The following AGBL3 variants were observed in gnomAD, a reference collection of about 807,000 sequenced individuals.
AGBL3 encodes cytosolic carboxypeptidase 3.
AGBL3 carries 68 observed loss-of-function variants against 94.5 expected under a neutral mutation model. The observed-to-expected ratio is 0.72, with a 90% CI of 0.59 to 0.88. The LOEUF (loss-of-function observed/expected upper bound fraction) is 0.88. Ranked by LOEUF, AGBL3 falls within the 40% of genes least tolerant of loss-of-function variation. AGBL3 has a pLI of 0.00. For missense variants in AGBL3, 934 were observed against 1,103.8 expected, an observed-to-expected ratio of 0.85 and a Z score of 2.18; for synonymous variants, 354 against 370.7, an observed-to-expected ratio of 0.95 and a Z score of 0.52.
intron 13 of AGBL3, among the ~76,000 whole-genome samples, chr7:135,078,197 A>G (rs1357368850): frequency 6.6e-6 from 1 of 152,190 alleles, no homozygotes; most frequent in African/African-American, 2.4e-5. Context: ...TGAAGAGCAG[A>G]GCTGAATGTG....
intron 15 of AGBL3, among the ~76,000 whole-genome samples, chr7:135,112,159 G>A (rs4732094): frequency 0.44 from 67,201 of 151,968 alleles, 15,510 homozygotes; most frequent in East Asian, 0.78. Flanking sequence ...TAATGCTACC[G>A]CTAATTCAGA....
intron 4 of AGBL3, among the ~76,000 whole-genome samples, chr7:134,999,343 G>T (rs1811419476): frequency 6.6e-6 from 1 of 152,150 alleles, no homozygotes; most frequent in African/African-American, 2.4e-5. Flanking sequence ...CTTGTCAGTT[G>T]TGTGTGCCAC....
At chr7:135,026,669 T>G (rs1175071332) in intron 5 of AGBL3, among the ~76,000 whole-genome samples, 2 of 151,746 alleles carry the variant, frequency 1.3e-5, no homozygotes, top group African/African-American at 4.8e-5. Context: ...ACCAGTTTTC[T>G]TATGTTTACT....
At chr7:134,997,839 G>C (rs1437352772) in intron 4 of AGBL3, among the ~76,000 whole-genome samples, 6 of 152,152 alleles carry the variant, frequency 3.9e-5, no homozygotes, top group African/African-American at 7.2e-5. Flanking sequence ...GCTACCCACT[G>C]TCCCTTGGCC....
At position 135,134,954 on chromosome 7, in the gene AGBL3, T is replaced by C; in HGVS notation, c.2456T>C (p.Val819Ala). The C allele has an allele frequency of 6.4e-7, 1 of 1,551,138 alleles. No homozygotes were observed. The highest frequency in any genetic ancestry group is 1.7e-4 in the Middle Eastern group (1 of 5,992). The change falls in exon 17 of 17, where the codon GTC becomes GCC. Residue 819 changes from valine (V) to alanine (A), a missense_variant. By Grantham distance (64) the Val-to-Ala change is moderately conservative. Coordinates refer to ENST00000436302, the MANE Select transcript of AGBL3 (RefSeq NM_178563.4). ...GDVMANSSEW[V>A]QSKPHRSLES... The stretch of plus-strand genomic sequence containing the variant: ...GTTATGGCAAACTCTTCAGAATGGG[T>C]CCAGTCTAAGCCCCACAGGTCATTG...
rs146216484 is a variant in AGBL3, at chr7:135,055,523, AT to A, written c.1842-3638del. On this transcript the variant is annotated intron_variant, in intron 11 of 16. Coordinates refer to ENST00000436302, the MANE Select transcript of AGBL3 (RefSeq NM_178563.4). ...TTTATGTCAAAAATATATTGATATA[AT>A]TTTTTTTCTGCTTTAGCCTGTTAAT... Among the ~76,000 whole-genome samples, 5 of 151,832 alleles carry A rather than the reference AT, an allele frequency of 3.3e-5. No homozygotes were observed. In the East Asian group the frequency reaches 9.7e-4, roughly 29 times the overall value.
intron 5 of AGBL3, among the ~76,000 whole-genome samples, chr7:135,029,813 A>C (rs1436874211): frequency 1.3e-5 from 2 of 152,152 alleles, no homozygotes; most frequent in African/African-American, 4.8e-5. Flanking sequence ...TCTCCACTTG[A>C]GCACATGGAG....
At chr7:135,014,218 AAAAAAAAAAC>A (rs1306654639) in intron 4 of AGBL3, among the ~76,000 whole-genome samples, 3 of 151,248 alleles carry the variant, frequency 2.0e-5, no homozygotes, top group African/African-American at 7.3e-5. Context: ...AAAAAAAAAA[AAAAAAAAAAC>A]CCGAAATGTT....
At chr7:135,022,221 T>C (rs1432219181) in intron 5 of AGBL3, among the ~76,000 whole-genome samples, 1 of 152,226 alleles carries the variant, frequency 6.6e-6, no homozygotes, top group African/African-American at 2.4e-5. Context: ...TTTCTGGTTC[T>C]AGATCCTTGA....
In AGBL3 at chr7:135,135,205, G is replaced by A; in HGVS notation, c.2707G>A (p.Ala903Thr). 1 of 1,545,794 alleles carries A rather than the reference G, an allele frequency of 6.5e-7. No homozygotes were observed. The highest frequency in any genetic ancestry group is 8.7e-7 in the Non-Finnish European group (1 of 1,144,980). Reference sequence around the variant, plus strand: ...TCTAACTAAAAATAAGGATGAGCAGGCCAATAAGAATGATGGACAACCCAC... The same window carrying A: ...TCTAACTAAAAATAAGGATGAGCAGACCAATAAGAATGATGGACAACCCAC... ...LHLTKNKDEQ[A>T]NKNDGQPTLY... Residue 903 changes from alanine to threonine, a missense_variant, in exon 17 of 17, where the codon GCC becomes ACC. Physicochemically the swap from Ala to Thr is moderately conservative, Grantham distance 58. Transcript: ENST00000436302.
chr7:135,118,051 T>C (rs1585215997), intron 16 of AGBL3, among the ~76,000 whole-genome samples: 1 of 152,204 alleles, frequency 6.6e-6, no homozygotes, highest in East Asian at 1.9e-4. Context: ...CTTGGATGTT[T>C]TCCATTTTCT....
intron 15 of AGBL3, among the ~76,000 whole-genome samples, chr7:135,083,218 G>A (rs1821066586): frequency 6.6e-6 from 1 of 151,850 alleles, no homozygotes; most frequent in African/African-American, 2.4e-5. Flanking sequence ...TAGTTTTCTA[G>A]TCAGTCTCCC....
chr7:135,129,244 T>G (rs1444955069), intron 16 of AGBL3: 1 of 1,506,120 alleles, frequency 6.6e-7, no homozygotes, highest in East Asian at 2.3e-5. Flanking sequence ...GGCTACATCA[T>G]GGGTATCTGC....
intron 11 of AGBL3, among the ~76,000 whole-genome samples, chr7:135,057,886 A>G (rs1164134341): frequency 6.6e-6 from 1 of 152,220 alleles, no homozygotes; most frequent in Non-Finnish European, 1.5e-5. Flanking sequence ...CACATACTAT[A>G]TGATCCCAGC....
chr7:135,068,539 G>A (rs1211396725), intron 12 of AGBL3, among the ~76,000 whole-genome samples: 3 of 152,048 alleles, frequency 2.0e-5, no homozygotes, highest in South Asian at 2.1e-4. Flanking sequence ...CTGATCTCTC[G>A]GCAGAAACTC....
intron 11 of AGBL3, among the ~76,000 whole-genome samples, chr7:135,056,337 T>C (rs2116663397): frequency 6.6e-6 from 1 of 152,260 alleles, no homozygotes; most frequent in South Asian, 2.1e-4. Context: ...ACTTGGATTG[T>C]TCATTTTAAA....
chr7:135,003,168 T>C (rs1298751320), intron 4 of AGBL3, among the ~76,000 whole-genome samples: 2 of 152,176 alleles, frequency 1.3e-5, no homozygotes, highest in East Asian at 3.8e-4. Context: ...GAATCCATTT[T>C]GATATAAGAA....
intron 16 of AGBL3, among the ~76,000 whole-genome samples, chr7:135,131,749 A>G (rs1423535015): frequency 6.6e-6 from 1 of 152,124 alleles, no homozygotes; most frequent in Admixed American, 6.5e-5. Flanking sequence ...ACAGAAAATC[A>G]GTGAAACAAC....
intron 13 of AGBL3, among the ~76,000 whole-genome samples, chr7:135,078,825 C>G (rs1820684479): frequency 1.3e-5 from 2 of 152,260 alleles, no homozygotes; most frequent in South Asian, 4.1e-4. Context: ...TCCTACTCCT[C>G]TTTCACAAAA....
Sources: gnomAD v4.1 joint callset for allele counts (sites outside exome capture counted in the v4.1 genomes callset) on GRCh38, gnomAD v4.1.1 for gene constraint, MANE v1.5 for transcripts, NCBI Gene and HGNC (gene_info 2026-07-23, HGNC 2026-07-21) for gene names.